DCAF10: variants seen among roughly 807,000 people sequenced by gnomAD.
DCAF10 encodes the protein DDB1 and CUL4 associated factor 10.
In DCAF10, 19 loss-of-function variants were observed where a neutral mutation model predicts 51.9. That is an observed-to-expected ratio of 0.37 (90% CI 0.26 to 0.54). The LOEUF (loss-of-function observed/expected upper bound fraction) is 0.54. Ranked by LOEUF, DCAF10 falls within the 20% of genes least tolerant of loss-of-function variation. DCAF10 has a pLI of 0.87. For missense variants in DCAF10, 510 were observed against 730.6 expected (o/e 0.70, Z 3.48); for synonymous variants, 291 against 297.1 (o/e 0.98, Z 0.21).
At chr9:37,853,328 G>A (rs1008205981) in intron 3 of DCAF10, among the ~76,000 whole-genome samples, 12 of 149,874 alleles carry the variant, frequency 8.0e-5, no homozygotes, top group Admixed American at 2.7e-4. Context: ...CAGGAGAATC[G>A]CTTGAACCCG....
chr9:37,858,597 G>A (rs1208200777), intron 5 of DCAF10: 3 of 152,212 alleles, frequency 2.0e-5, no homozygotes, highest in Admixed American at 2.0e-4. Context: ...GATATATGAG[G>A]AGGCTGGGAA....
intron 2 of DCAF10, among the ~76,000 whole-genome samples, chr9:37,821,090 CATATATAT>C (rs144524647): frequency 1.3e-5 from 2 of 150,336 alleles, no homozygotes. Context: ...CATATACAAA[CATATATAT>C]ATATATACAC....
At chr9:37,857,178 AAAGTT>A in intron 4 of DCAF10, 58 bp from the exon 5 acceptor site, 2 of 1,291,332 alleles carry the variant, frequency 1.5e-6, no homozygotes, top group Non-Finnish European at 2.1e-6. Flanking sequence ...AGATAATTAA[AAAGTT>A]AAGAGCCACT....
At chr9:37,832,205 C>T (rs992600211) in intron 2 of DCAF10, 2 of 149,902 alleles carry the variant, frequency 1.3e-5, no homozygotes, top group Non-Finnish European at 2.9e-5. Context: ...TGTCTGTAAT[C>T]CCAGTACCTT....
In DCAF10 at chr9:37,816,659, GGT is replaced by G. The variant is rs1554685707; in HGVS notation, c.540-2598_540-2597del. On this transcript the variant is annotated intron_variant, in intron 1 of 6. Transcript: ENST00000377724. ...AATCTCAATTAACATCTGCACCTGG[GGT>G]GTGTGTGTGTGTGTGTGTGTGTGTG... Among the ~76,000 whole-genome samples, 878 of 144,580 alleles carry G rather than the reference GGT, an allele frequency of 6.1e-3. 6 individuals are homozygous for G. Among genetic ancestry groups the G allele is most frequent in the Admixed American group, 0.016 (234 of 14,276 alleles). The allele number at this position is 144,580 out of a possible 152,430, so 94.9% of individuals were successfully genotyped here.
At chr9:37,840,957 T>C (rs1347593834) in intron 2 of DCAF10, among the ~76,000 whole-genome samples, 2 of 152,228 alleles carry the variant, frequency 1.3e-5, no homozygotes, top group African/African-American at 4.8e-5. Flanking sequence ...GCTGTGCACA[T>C]TTGTAGCCTA....
chr9:37,858,455 A>G (rs1830915798), intron 5 of DCAF10: 1 of 152,234 alleles, frequency 6.6e-6, no homozygotes, highest in South Asian at 2.1e-4. Flanking sequence ...TGACTACACC[A>G]TCCACAAGAA....
intron 2 of DCAF10, chr9:37,836,178 A>C (rs2117989170): frequency 1.4e-6 from 2 of 1,448,576 alleles, no homozygotes; most frequent in East Asian, 2.3e-5. Flanking sequence ...TATTTATAAG[A>C]AGCACGGAGT....
In DCAF10 at chr9:37,832,366, G is replaced by GA. The variant is rs2117955562; in HGVS notation, c.654-9722dup. The stretch of plus-strand genomic sequence containing the variant: ...CCAGCTATTTGGGAGGCTGAGGCAG[G>GA]AGAATCGCTTGAACCCAGGAGGTGG... On this transcript the variant is annotated intron_variant, in intron 2 of 6. Transcript: ENST00000377724. Among the ~76,000 whole-genome samples, 4 of 152,140 alleles carry GA rather than the reference G, an allele frequency of 2.6e-5. No individual in the cohort carries two copies. In the East Asian group the frequency reaches 7.8e-4, roughly 30 times the overall value.
intron 1 of DCAF10, among the ~76,000 whole-genome samples, chr9:37,817,313 C>T (rs1829570734): frequency 6.6e-6 from 1 of 152,114 alleles, no homozygotes; most frequent in African/African-American, 2.4e-5. Flanking sequence ...TTAAGAATCT[C>T]CCAGAGGTTG....
In DCAF10 at chr9:37,807,668, T is replaced by C. The variant is rs1010233665; in HGVS notation, c.539+6263T>C. On this transcript the variant is annotated intron_variant, in intron 1 of 6. Coordinates refer to ENST00000377724, the MANE Select transcript of DCAF10 (RefSeq NM_024345.5). The stretch of plus-strand genomic sequence containing the variant: ...ATTTTCTTTTCTTTTCTTTTTTTTT[T>C]TTTTTTTTTTTGAGACAGAGTTTCA... Among the ~76,000 whole-genome samples the C allele has an allele frequency of 2.1e-4, 30 of 145,532 alleles. 1 individual carries two copies. Among genetic ancestry groups the C allele is most frequent in the South Asian group, 1.1e-3 (5 of 4,566 alleles).
chr9:37,812,656 CAG>C lies in DCAF10; in HGVS notation c.540-6629_540-6628del, dbSNP rs780211267. On this transcript the variant is annotated intron_variant, in intron 1 of 6. Transcript: ENST00000377724. Reference sequence around the variant, plus strand: ...TGAACTTTTTTTTCATTTTTTTAGACAGAGTCTCTCTCTGTCATCCAAGCTGG... The same window carrying C: ...TGAACTTTTTTTTCATTTTTTTAGACAGTCTCTCTCTGTCATCCAAGCTGG... 2.6e-5 allele frequency among the ~76,000 whole-genome samples: 4 copies of C among 152,200 alleles called. No individual in the cohort carries two copies. In the East Asian group the frequency reaches 5.8e-4, roughly 22 times the overall value.
intron 3 of DCAF10, among the ~76,000 whole-genome samples, chr9:37,848,592 G>C (rs1487741160): frequency 6.6e-6 from 1 of 152,128 alleles, no homozygotes; most frequent in African/African-American, 2.4e-5. Flanking sequence ...ATTGCTAATG[G>C]GCAGGAGGAA....
At chr9:37,822,731 A>G (rs547829875) in intron 2 of DCAF10, among the ~76,000 whole-genome samples, 2 of 152,098 alleles carry the variant, frequency 1.3e-5, no homozygotes, top group Non-Finnish European at 2.9e-5. Context: ...GGGTCTCACA[A>G]ATTCCCACTA....
At chr9:37,857,184 A>G in intron 4 of DCAF10, 57 bp from the exon 5 acceptor site, 1 of 1,334,770 alleles carries the variant, frequency 7.5e-7, no homozygotes, top group Non-Finnish European at 1.0e-6. Flanking sequence ...TTAAAAAGTT[A>G]AGAGCCACTA....
intron 2 of DCAF10, among the ~76,000 whole-genome samples, chr9:37,837,575 G>A (rs1830207686): frequency 6.6e-6 from 1 of 152,040 alleles, no homozygotes; most frequent in Admixed American, 6.6e-5. Context: ...TGTTTGTTAG[G>A]AGATGTCTGC....
chr9:37,861,368 G>C lies in DCAF10; in HGVS notation c.1540G>C (p.Glu514Gln). 1 of 1,614,186 alleles carries C rather than the reference G, an allele frequency of 6.2e-7. No individual in the cohort carries two copies. The highest frequency in any genetic ancestry group is 8.5e-7 in the Non-Finnish European group (1 of 1,180,036). ...TGAACTTGTTGACTGCTTGCCCAAA[G>C]AAGCCAGTCCCCTGCGGGTGATCCG... ...CSELVDCLPK[E>Q]ASPLRVIRSL... Residue 514 changes from glutamate (E) to glutamine (Q), a missense_variant, in exon 7 of 7, where the codon GAA (glutamate) becomes CAA (glutamine). Transcript: ENST00000377724. This position sits in a 1 kb window ranked among gnomAD's most constrained non-coding sequence, Gnocchi z 4.9.
intron 2 of DCAF10, among the ~76,000 whole-genome samples, chr9:37,833,264 G>C (rs1830058125): frequency 6.6e-6 from 1 of 152,152 alleles, no homozygotes; most frequent in Admixed American, 6.5e-5. Flanking sequence ...AATTATTCTT[G>C]TTCTGAGAAT....
chr9:37,819,441 C>A, intron 2 of DCAF10, 40 bp downstream of exon 2: 2 of 1,475,652 alleles, frequency 1.4e-6, no homozygotes, highest in Non-Finnish European at 1.9e-6. Context: ...ATCAGTGTGG[C>A]CCAAAATGTT....
Sources: allele counts gnomAD v4.1 joint callset (sites outside exome capture counted in the v4.1 genomes callset), GRCh38; gene constraint gnomAD v4.1.1; non-coding constraint Gnocchi (gnomAD v3.1); transcripts MANE v1.5; gene names NCBI Gene and HGNC (gene_info 2026-07-23, HGNC 2026-07-21).